MAST4: variants seen among roughly 807,000 people sequenced by gnomAD.
The protein encoded by MAST4 is microtubule-associated serine/threonine-protein kinase 4.
MAST4 carries 89 observed loss-of-function variants against 162.7 expected under a neutral mutation model. The observed-to-expected ratio is 0.55, with a 90% CI of 0.46 to 0.65. The LOEUF (loss-of-function observed/expected upper bound fraction) is 0.65, where lower values mean the gene tolerates loss of function less well. Ranked by LOEUF, MAST4 falls within the 30% of genes least tolerant of loss-of-function variation. MAST4 has a pLI of 0.00. For missense variants in MAST4, 3,153 were observed against 3,374.0 expected, an observed-to-expected ratio of 0.93 and a Z score of 1.62; for synonymous variants, 1,479 against 1,361.1, an observed-to-expected ratio of 1.09 and a Z score of -1.91.
At chr5:66,750,538 C>A (rs961313583) in intron 1 of MAST4, among the ~76,000 whole-genome samples, 1 of 152,178 alleles carries the variant, frequency 6.6e-6, no homozygotes, top group Non-Finnish European at 1.5e-5. Flanking sequence ...GGGTGACGGA[C>A]GCACCTTGAA....
intron 5 of MAST4, among the ~76,000 whole-genome samples, chr5:67,060,828 G>A (rs1759480680): frequency 6.6e-6 from 1 of 152,066 alleles, no homozygotes; most frequent in Non-Finnish European, 1.5e-5. Flanking sequence ...CTTTAACCTT[G>A]GAAGATGTGT....
intron 23 of MAST4, among the ~76,000 whole-genome samples, chr5:67,148,555 C>T (rs1771384458): frequency 1.3e-5 from 2 of 151,986 alleles, no homozygotes; most frequent in South Asian, 2.1e-4. Flanking sequence ...TGAGGGAAGC[C>T]CTAATTTTTT....
intron 1 of MAST4, among the ~76,000 whole-genome samples, chr5:66,708,999 A>G (rs1712468551): frequency 6.6e-6 from 1 of 152,244 alleles, no homozygotes; most frequent in South Asian, 2.1e-4. Flanking sequence ...TACTAGGAGC[A>G]CAACTAGTTT....
At chr5:66,610,633 G>A (rs1173481169) in intron 1 of MAST4, among the ~76,000 whole-genome samples, 1 of 152,206 alleles carries the variant, frequency 6.6e-6, no homozygotes, top group Non-Finnish European at 1.5e-5. Flanking sequence ...AGGCAGGTCT[G>A]TCTTCGCTAT....
intron 1 of MAST4, among the ~76,000 whole-genome samples, chr5:66,606,907 A>G (rs191648105): frequency 3.3e-5 from 5 of 152,250 alleles, no homozygotes; most frequent in Admixed American, 3.3e-4. Flanking sequence ...ATATTAAATG[A>G]GTATATGAAT....
At position 66,957,999 on chromosome 5, in the gene MAST4, C is replaced by G. The variant is rs533600939; in HGVS notation, c.674+58017C>G. ...GATCTAATCCTATTATAGCCGCCAA[C>G]TGTGTGCCCTCAGTTTCTTCATCTG... On this transcript the variant is annotated intron_variant, in intron 4 of 28. Transcript: ENST00000403625. Among the ~76,000 whole-genome samples, 11 of 152,312 alleles carry G rather than the reference C, an allele frequency of 7.2e-5. No homozygotes were observed. In the South Asian group the frequency reaches 2.3e-3, roughly 32 times the overall value.
intron 1 of MAST4, among the ~76,000 whole-genome samples, chr5:66,605,041 G>T (rs1742791555): frequency 6.6e-6 from 1 of 152,202 alleles, no homozygotes; most frequent in African/African-American, 2.4e-5. Context: ...GTGTATAAAA[G>T]TTCAACAACT....
At chr5:67,093,137 T>C (rs1256671421) in intron 6 of MAST4, among the ~76,000 whole-genome samples, 1 of 152,204 alleles carries the variant, frequency 6.6e-6, no homozygotes, top group Non-Finnish European at 1.5e-5. Context: ...TTAATCTAAA[T>C]TTTTGTGAGT....
At chr5:66,999,691 GT>G (rs1489480384) in intron 4 of MAST4, among the ~76,000 whole-genome samples, 4 of 151,538 alleles carry the variant, frequency 2.6e-5, no homozygotes, top group East Asian at 3.9e-4. Flanking sequence ...TTTGTTTTGG[GT>G]TTTTTTTTTC....
At chr5:67,064,603 A>G (rs931905659) in intron 5 of MAST4, among the ~76,000 whole-genome samples, 4 of 152,232 alleles carry the variant, frequency 2.6e-5, no homozygotes, top group African/African-American at 9.6e-5. Context: ...TGCCTTGTCC[A>G]TAATATAATC....
intron 1 of MAST4, among the ~76,000 whole-genome samples, chr5:66,608,679 A>G (rs1366485634): frequency 6.6e-6 from 1 of 151,924 alleles, no homozygotes; most frequent in African/African-American, 2.4e-5. Flanking sequence ...CATCTCACCC[A>G]TTCAAATGCT....
intron 7 of MAST4, among the ~76,000 whole-genome samples, chr5:67,099,254 A>C (rs1423047209): frequency 2.0e-5 from 3 of 152,016 alleles, no homozygotes; most frequent in African/African-American, 4.8e-5. Context: ...GTTTAAGGCC[A>C]TGACTATACT....
chr5:66,907,703 G>A (rs1763478695), intron 4 of MAST4, among the ~76,000 whole-genome samples: 1 of 151,490 alleles, frequency 6.6e-6, no homozygotes, highest in Non-Finnish European at 1.5e-5. Context: ...TTGACTGCCT[G>A]TCTAGAAAAG....
chr5:67,125,369 A>C (rs887657437), intron 14 of MAST4, among the ~76,000 whole-genome samples: 9 of 151,920 alleles, frequency 5.9e-5, no homozygotes, highest in African/African-American at 2.2e-4. Context: ...TGTCATCTAC[A>C]TTAGGTATTT....
chr5:66,967,404 G>A (rs576399725), intron 4 of MAST4, among the ~76,000 whole-genome samples: 14 of 152,310 alleles, frequency 9.2e-5, no homozygotes, highest in African/African-American at 2.4e-4. Flanking sequence ...TTCCAGGACA[G>A]CTCAGTTGCT....
At chr5:67,110,596 A>T (rs1467856960) in intron 11 of MAST4, among the ~76,000 whole-genome samples, 1 of 152,262 alleles carries the variant, frequency 6.6e-6, no homozygotes, top group African/African-American at 2.4e-5. Context: ...CCTGTGATTT[A>T]TAATTATTGT....
intron 5 of MAST4, among the ~76,000 whole-genome samples, chr5:67,056,560 G>A (rs903669764): frequency 6.6e-6 from 1 of 152,168 alleles, no homozygotes; most frequent in Admixed American, 6.5e-5. Flanking sequence ...ACAGAACGTG[G>A]TGAAGACTTT....
intron 3 of MAST4, among the ~76,000 whole-genome samples, chr5:66,893,528 C>T (rs1387146493): frequency 6.6e-6 from 1 of 152,058 alleles, no homozygotes; most frequent in African/African-American, 2.4e-5. Flanking sequence ...CTGTGCCTGG[C>T]TGGTTTATTT....
At chr5:66,640,279 G>T (rs1296464863) in intron 1 of MAST4, among the ~76,000 whole-genome samples, 3 of 150,994 alleles carry the variant, frequency 2.0e-5, no homozygotes. Flanking sequence ...CACTATTTGT[G>T]TAGATAGATG....
Sources: allele counts gnomAD v4.1 joint callset (sites outside exome capture counted in the v4.1 genomes callset), GRCh38; gene constraint gnomAD v4.1.1; transcripts MANE v1.5; gene names NCBI Gene and HGNC (gene_info 2026-07-23, HGNC 2026-07-21).